Variants in REV3L observed in about 807,000 individuals in gnomAD.
REV3L encodes REV3 like, DNA directed polymerase zeta catalytic subunit, also known as DNA polymerase zeta catalytic subunit.
REV3L carries 69 observed loss-of-function variants against 299.4 expected under a neutral mutation model. The ratio of observed to expected loss-of-function variants is 0.23; its 90% CI spans 0.19 to 0.28. REV3L has a LOEUF of 0.28. REV3L is among the 10% of genes least tolerant of loss of function. The pLI is 1.00. For synonymous variants in REV3L, 1,238 were observed against 1,271.4 expected (o/e 0.97, Z 0.56); for missense variants, 3,128 against 3,693.8 (o/e 0.85, Z 3.97).
At chr6:111,459,599 G>T (rs915782452) in intron 1 of REV3L, among the ~76,000 whole-genome samples, 6 of 152,042 alleles carry the variant, frequency 3.9e-5, no homozygotes, top group African/African-American at 1.2e-4. Flanking sequence ...CCATTAAAAT[G>T]TAAGCAAAGG....
At chr6:111,366,128 T>C (rs1170690533) in intron 14 of REV3L, among the ~76,000 whole-genome samples, 5 of 152,130 alleles carry the variant, frequency 3.3e-5, no homozygotes, top group South Asian at 2.1e-4. Context: ...GCACTATTCA[T>C]TGAAATAAGG....
chr6:111,312,189 A>C (rs1456067988), intron 28 of REV3L: 1 of 152,206 alleles, frequency 6.6e-6, no homozygotes, highest in Non-Finnish European at 1.5e-5. Flanking sequence ...TAAGCTTATT[A>C]ATTTAGCTTG....
At chr6:111,465,605 C>T (rs1193847978) in intron 1 of REV3L, among the ~76,000 whole-genome samples, 5 of 151,152 alleles carry the variant, frequency 3.3e-5, no homozygotes, top group Non-Finnish European at 5.9e-5. Flanking sequence ...TGGTGGTACG[C>T]GCCTGTAATC....
At chr6:111,431,054 C>A in intron 1 of REV3L, 3 of 1,523,366 alleles carry the variant, frequency 2.0e-6, no homozygotes, top group Non-Finnish European at 2.7e-6. Context: ...AGTTCTTATG[C>A]ACCGCATTAT....
At chr6:111,307,930 C>T (rs943391514) in intron 30 of REV3L, 49 of 279,074 alleles carry the variant, frequency 1.8e-4, no homozygotes, top group Non-Finnish European at 2.8e-4. Flanking sequence ...TGCTATCCCT[C>T]CCCCAGCTCC....
intron 1 of REV3L, among the ~76,000 whole-genome samples, chr6:111,476,727 C>A (rs1278470061): frequency 6.6e-6 from 1 of 152,162 alleles, no homozygotes; most frequent in African/African-American, 2.4e-5. Flanking sequence ...AAGAATAATA[C>A]AACCAGAAAT....
intron 16 of REV3L, among the ~76,000 whole-genome samples, chr6:111,363,000 G>C (rs1307945181): frequency 2.6e-5 from 4 of 152,208 alleles, no homozygotes; most frequent in Non-Finnish European, 4.4e-5. Context: ...CTGCCAGTCA[G>C]ATATGTGCTT....
intron 1 of REV3L, among the ~76,000 whole-genome samples, chr6:111,478,476 T>C (rs983390840): frequency 1.3e-5 from 2 of 152,212 alleles, no homozygotes; most frequent in African/African-American, 4.8e-5. Flanking sequence ...TGTAATCAAA[T>C]AGGTGTTATA....
At chr6:111,326,281 CAGT>C in intron 25 of REV3L, among the ~76,000 whole-genome samples, 1 of 151,980 alleles carries the variant, frequency 6.6e-6, no homozygotes, top group East Asian at 1.9e-4. Flanking sequence ...TCAAACAACT[CAGT>C]AGGAAAAAAA....
intron 1 of REV3L, among the ~76,000 whole-genome samples, chr6:111,479,673 C>T (rs926898501): frequency 6.6e-6 from 1 of 152,028 alleles, no homozygotes; most frequent in Non-Finnish European, 1.5e-5. Flanking sequence ...CCACGCCCAG[C>T]CAATTTTGTT....
Position 111,373,351 on chromosome 6 carries a change from T to A in REV3L, c.5004A>T (p.Pro1668=). ...ACTTCTGAGGCAAATTCTGATCAGC[T>A]GGGACAAACTGACTTCCAGAATAAA... ...CSFYSGSQFV[P]ADQNLPQKFL... The change falls in exon 13 of 32, where the codon CCA becomes CCT. Residue 1668 remains proline (P), a synonymous_variant. Transcript: ENST00000368802. The A allele has an allele frequency of 1.9e-6, 3 of 1,613,766 alleles. No individual in the cohort carries two copies. Among genetic ancestry groups the A allele is most frequent in the Middle Eastern group, 1.7e-4 (1 of 6,060 alleles).
At chr6:111,314,798 A>G (rs1450004852) in intron 27 of REV3L, among the ~76,000 whole-genome samples, 1 of 151,658 alleles carries the variant, frequency 6.6e-6, no homozygotes, top group Non-Finnish European at 1.5e-5. Context: ...ACATATATAC[A>G]TTACTAAACA....
Position 111,358,979 on chromosome 6 carries a change from A to G in REV3L, c.6915T>C (p.His2305=). The G allele has an allele frequency of 6.2e-7, 1 of 1,614,086 alleles. No individual in the cohort carries two copies. The highest frequency in any genetic ancestry group is 8.5e-7 in the Non-Finnish European group (1 of 1,179,962). The part of the protein sequence containing the change: ...QNLTLISVEL[H]ARTRRDLEPD... The stretch of plus-strand genomic sequence containing the variant: ...GTTCTAAGTCTCGTCTAGTTCGAGC[A>G]TGCAACTCCACACTGATTAGGGTAA... The change falls in exon 17 of 32, where the codon CAT becomes CAC. Residue 2305 remains histidine, a synonymous_variant. Transcript: ENST00000368802.
intron 1 of REV3L, among the ~76,000 whole-genome samples, chr6:111,473,996 A>T (rs79536471): frequency 2.0e-5 from 3 of 152,300 alleles, no homozygotes; most frequent in Non-Finnish European, 2.9e-5. Flanking sequence ...GTCAGCAAAA[A>T]AAAATTTAGC....
chr6:111,429,181 T>C (rs897047085), intron 1 of REV3L, among the ~76,000 whole-genome samples: 1 of 152,246 alleles, frequency 6.6e-6, no homozygotes, highest in Non-Finnish European at 1.5e-5. Context: ...TTTTATTTTT[T>C]AAATCTTCTT....
chr6:111,483,059 C>T lies in REV3L; in HGVS notation c.-171G>A. The T allele has an allele frequency of 2.6e-6, 2 of 763,360 alleles. No individual in the cohort carries two copies. The highest frequency in any genetic ancestry group is 3.8e-6 in the Non-Finnish European group (2 of 531,968). The allele number at this position is 763,360 out of a possible 1,614,324, so 47.3% of individuals were successfully genotyped here. A position where few individuals can be genotyped will look rare whatever the true frequency, so the allele number is the denominator to read the frequency against. On this transcript the variant is annotated 5_prime_UTR_variant, in exon 1 of 32. Coordinates refer to ENST00000368802, the MANE Select transcript of REV3L (RefSeq NM_001372078.1). ...GGCGGGCGGGGCGGTGTAGGCGCTG[C>T]TGCCGCCGCCTCCTCAGGAGCACCC...
chr6:111,449,221 T>C (rs895941251), intron 1 of REV3L, among the ~76,000 whole-genome samples: 2 of 152,188 alleles, frequency 1.3e-5, no homozygotes, highest in African/African-American at 4.8e-5. Flanking sequence ...CAGTAATCCC[T>C]GAGAGACGGG....
At chr6:111,348,477 T>C (rs979462074) in intron 20 of REV3L, among the ~76,000 whole-genome samples, 1 of 152,232 alleles carries the variant, frequency 6.6e-6, no homozygotes, top group Non-Finnish European at 1.5e-5. Flanking sequence ...CTTATTAATC[T>C]GACCCAGTAT....
At chr6:111,392,462 G>A (rs985731147) in intron 5 of REV3L, among the ~76,000 whole-genome samples, 4 of 151,944 alleles carry the variant, frequency 2.6e-5, no homozygotes, top group African/African-American at 9.7e-5. Flanking sequence ...CAAAACCAGA[G>A]CATGTCAAAA....
Sources: allele counts gnomAD v4.1 joint callset (sites outside exome capture counted in the v4.1 genomes callset), GRCh38; gene constraint gnomAD v4.1.1; transcripts MANE v1.5; gene names NCBI Gene and HGNC (gene_info 2026-07-23, HGNC 2026-07-21).